Variants in SVOPL observed in about 807,000 individuals in gnomAD.
SVOPL encodes the protein SVOP like.
Under a neutral mutation model 61.0 loss-of-function variants are expected in SVOPL, and 60 were observed. The ratio of observed to expected loss-of-function variants is 0.98; its 90% CI spans 0.80 to 1.22. SVOPL has a LOEUF of 1.22. SVOPL is among the 50% of genes most tolerant of loss of function. The probability of loss-of-function intolerance (pLI) is 0.00; values close to 1 mark genes in which losing one functional copy is unlikely to be tolerated. For synonymous variants in SVOPL, 279 were observed against 250.0 expected (o/e 1.12, Z -1.09); for missense variants, 662 against 643.9 (o/e 1.03, Z -0.30).
At chr7:138,629,799 T>TTATGAG (rs1800088890) in intron 10 of SVOPL, among the ~76,000 whole-genome samples, 2 of 152,206 alleles carry the variant, frequency 1.3e-5, no homozygotes, top group Non-Finnish European at 1.5e-5. Flanking sequence ...GGAAGTGAAC[T>TTATGAG]CATATGCTCA....
At chr7:138,695,732 G>A (rs6944016) in intron 1 of SVOPL, among the ~76,000 whole-genome samples, 8,865 of 151,816 alleles carry the variant, frequency 0.058, 344 homozygotes, top group East Asian at 0.15. Context: ...TAGGTTTCTC[G>A]GTTCTCTTTT....
At chr7:138,681,514 A>G (rs1300993926) in intron 1 of SVOPL, among the ~76,000 whole-genome samples, 2 of 151,982 alleles carry the variant, frequency 1.3e-5, no homozygotes, top group African/African-American at 4.8e-5. Flanking sequence ...CTGGGGTTGT[A>G]ATGAAAGATT....
intron 1 of SVOPL, among the ~76,000 whole-genome samples, chr7:138,681,110 AC>A (rs1366436082): frequency 6.7e-6 from 1 of 150,338 alleles, no homozygotes; most frequent in Middle Eastern, 3.2e-3. Context: ...AAATTTAGCT[AC>A]GTAAAAAATT....
At chr7:138,598,233 A>C (rs966002328) in intron 14 of SVOPL, among the ~76,000 whole-genome samples, 1 of 152,230 alleles carries the variant, frequency 6.6e-6, no homozygotes. Context: ...AGCCCAGACC[A>C]GGAATAGAGA....
intron 9 of SVOPL, among the ~76,000 whole-genome samples, chr7:138,637,487 GATAGATATATATATATAT>G (rs1563108885): frequency 0.048 from 916 of 18,938 alleles, 15 homozygotes; most frequent in African/African-American, 0.15. Context: ...TATAGATATA[GATAGATATATATATATAT>G]ATATAGATAG....
intron 4 of SVOPL, among the ~76,000 whole-genome samples, chr7:138,664,731 C>T (rs891297223): frequency 2.0e-5 from 3 of 150,710 alleles, no homozygotes; most frequent in South Asian, 2.1e-4. Context: ...GTGCCGCTGA[C>T]CCCTGATCCT....
chr7:138,649,154 C>A lies in SVOPL; in HGVS notation c.535-17G>T. 1 of 1,587,694 alleles carries A rather than the reference C, an allele frequency of 6.3e-7. No individual in the cohort carries two copies. Among genetic ancestry groups the A allele is most frequent in the Non-Finnish European group, 8.6e-7 (1 of 1,168,964 alleles). On this transcript the variant is annotated splice_polypyrimidine_tract_variant and intron_variant, in intron 7 of 15. Transcript: ENST00000674285. The stretch of plus-strand genomic sequence containing the variant: ...CCAGAACACCTAGGAAGAGAGAAGT[C>A]CAGGATTAAAGTTCTTTGGGGAATT...
In SVOPL at chr7:138,630,968, AAG is replaced by A. The variant is rs1452363774; in HGVS notation, c.790-848_790-847del. The stretch of plus-strand genomic sequence containing the variant: ...CAAAAAAAGAAAAAAAAAAAAAAAA[AAG>A]CAAGGAAGAGTTACATGATGGCACA... On this transcript the variant is annotated intron_variant, in intron 9 of 15. Transcript: ENST00000674285. Among the ~76,000 whole-genome samples, 721 of 151,180 alleles carry A rather than the reference AAG, an allele frequency of 4.8e-3. 12 individuals are homozygous for A. The highest frequency in any genetic ancestry group is 0.016 in the African/African-American group (668 of 41,240).
chr7:138,695,355 T>A (rs1803042836), intron 1 of SVOPL, among the ~76,000 whole-genome samples: 1 of 152,070 alleles, frequency 6.6e-6, no homozygotes, highest in South Asian at 2.1e-4. Flanking sequence ...CTACCTCAAA[T>A]ACAGAAATTC....
chr7:138,614,205 T>C (rs1799180661), intron 14 of SVOPL, among the ~76,000 whole-genome samples: 1 of 152,176 alleles, frequency 6.6e-6, no homozygotes, highest in Non-Finnish European at 1.5e-5. Flanking sequence ...ACTTACTGAA[T>C]GGTCACCAAA....
intron 9 of SVOPL, among the ~76,000 whole-genome samples, chr7:138,635,293 T>C (rs961164569): frequency 2.0e-5 from 3 of 150,008 alleles, no homozygotes; most frequent in African/African-American, 7.3e-5. Context: ...AAAGTTAATA[T>C]GGTAAATTGC....
intron 3 of SVOPL, among the ~76,000 whole-genome samples, chr7:138,676,606 C>A (rs79043823): frequency 1.3e-5 from 2 of 152,122 alleles, no homozygotes; most frequent in Non-Finnish European, 2.9e-5. Flanking sequence ...CACATTCAAA[C>A]CCTAGCAGTA....
intron 1 of SVOPL, among the ~76,000 whole-genome samples, chr7:138,697,930 A>C (rs907935153): frequency 2.0e-5 from 3 of 152,084 alleles, no homozygotes; most frequent in Non-Finnish European, 4.4e-5. Context: ...TGAAATCTTT[A>C]CGTATAATTT....
chr7:138,628,126 CAG>C, intron 11 of SVOPL, 30 bp downstream of exon 11: 3 of 1,613,376 alleles, frequency 1.9e-6, no homozygotes, highest in South Asian at 1.1e-5. Flanking sequence ...CCACCCAAGA[CAG>C]AGAGACCCAA....
chr7:138,632,657 G>A (rs1800265318), intron 9 of SVOPL, among the ~76,000 whole-genome samples: 2 of 151,608 alleles, frequency 1.3e-5, no homozygotes, highest in Non-Finnish European at 2.9e-5. Flanking sequence ...AGGCCAGACA[G>A]GGGAGCCAGG....
intron 4 of SVOPL, among the ~76,000 whole-genome samples, chr7:138,671,680 G>A (rs1287096770): frequency 1.3e-5 from 2 of 152,180 alleles, no homozygotes; most frequent in Non-Finnish European, 2.9e-5. Flanking sequence ...TTTGAGAAAA[G>A]TTGAAGGAGT....
At chr7:138,646,161 C>G (rs1436847533) in intron 8 of SVOPL, 1 of 204,876 alleles carries the variant, frequency 4.9e-6, no homozygotes, top group Non-Finnish European at 1.0e-5. Context: ...GAAGCTATCT[C>G]GGCTCCTAGA....
At chr7:138,603,306 C>T (rs1798608173) in intron 14 of SVOPL, among the ~76,000 whole-genome samples, 1 of 152,176 alleles carries the variant, frequency 6.6e-6, no homozygotes, top group Admixed American at 6.5e-5. Context: ...AGTAAAGAAA[C>T]CTATGGTAAA....
intron 13 of SVOPL, among the ~76,000 whole-genome samples, chr7:138,622,086 C>T (rs372328205): frequency 2.7e-4 from 11 of 40,816 alleles, no homozygotes; most frequent in African/African-American, 5.4e-4. Context: ...ATCTATCTAT[C>T]TATGTATCTA....
Sources: allele counts gnomAD v4.1 joint callset (sites outside exome capture counted in the v4.1 genomes callset), GRCh38; gene constraint gnomAD v4.1.1; transcripts MANE v1.5; gene names NCBI Gene and HGNC (gene_info 2026-07-23, HGNC 2026-07-21).